RIMS2: variants seen among roughly 807,000 people sequenced by gnomAD.
RIMS2 encodes the protein regulating synaptic membrane exocytosis protein 2.
In RIMS2, 59 loss-of-function variants were observed where a neutral mutation model predicts 174.4. The ratio of observed to expected loss-of-function variants is 0.34; its 90% CI spans 0.27 to 0.42. The LOEUF is 0.42. Ranked by LOEUF, RIMS2 falls within the 10% of genes least tolerant of loss-of-function variation. RIMS2 has a pLI of 1.00. For missense variants in RIMS2, 1,620 were observed against 1,666.3 expected, an observed-to-expected ratio of 0.97 and a Z score of 0.48; for synonymous variants, 606 against 572.5, an observed-to-expected ratio of 1.06 and a Z score of -0.84.
chr8:103,952,455 C>A (rs960612117), intron 14 of RIMS2, among the ~76,000 whole-genome samples: 3 of 152,160 alleles, frequency 2.0e-5, no homozygotes, highest in Admixed American at 6.5e-5. Flanking sequence ...CTGCTGGTGA[C>A]ACCCAGGCAA....
rs71575988 is a variant in RIMS2 at position 103,967,170 on chromosome 8, G to GTTTTTTTTTTTTTTTTTTTTTTTTTT, written c.2770+6042_2770+6067dup. Among the ~76,000 whole-genome samples, 6 of 24,952 alleles carry GTTTTTTTTTTTTTTTTTTTTTTTTTT rather than the reference G, an allele frequency of 2.4e-4. 2 individuals are homozygous for GTTTTTTTTTTTTTTTTTTTTTTTTTT. Among genetic ancestry groups the GTTTTTTTTTTTTTTTTTTTTTTTTTT allele is most frequent in the African/African-American group, 8.5e-4 (4 of 4,732 alleles). 16.4% of individuals were successfully genotyped at this position (24,952 alleles called of 152,430 possible). On this transcript the variant is annotated intron_variant, in intron 15 of 23. Transcript: ENST00000504942. ...TTTTCTGCCTGCTTGATCTGTTCTTGTTTTTTTTTTTTTTTTTTTTTTTTT... is the reference window on the plus strand; with the variant it reads ...TTTTCTGCCTGCTTGATCTGTTCTTGTTTTTTTTTTTTTTTTTTTTTTTTTTTTTTTTTTTTTTTTTTTTTTTTTTT...
intron 19 of RIMS2, among the ~76,000 whole-genome samples, chr8:104,025,026 A>C (rs371968271): frequency 1.9e-4 from 29 of 152,196 alleles, no homozygotes; most frequent in African/African-American, 6.8e-4. Flanking sequence ...TGGGTGGAGA[A>C]AATCAAGTGT....
chr8:103,648,582 G>A (rs922776985), intron 1 of RIMS2, among the ~76,000 whole-genome samples: 2 of 151,816 alleles, frequency 1.3e-5, no homozygotes, highest in Non-Finnish European at 1.5e-5. Flanking sequence ...ATTTTAAGTC[G>A]TTTTGTCTCT....
chr8:103,833,306 G>A (rs1018632617), intron 3 of RIMS2, among the ~76,000 whole-genome samples: 1 of 151,912 alleles, frequency 6.6e-6, no homozygotes, highest in African/African-American at 2.4e-5. Context: ...TTTATCTTCT[G>A]TGTATAATAG....
chr8:103,952,231 G>A (rs1026585828), intron 14 of RIMS2, among the ~76,000 whole-genome samples: 3 of 152,224 alleles, frequency 2.0e-5, no homozygotes, highest in Admixed American at 2.0e-4. Context: ...GAGAGGAGCA[G>A]ATCTCCCAGC....
intron 19 of RIMS2, among the ~76,000 whole-genome samples, chr8:104,200,085 C>T (rs148066403): frequency 2.7e-3 from 416 of 152,220 alleles, no homozygotes; most frequent in African/African-American, 9.3e-3. Flanking sequence ...TAGGAATGGT[C>T]AGGGCAGGGC....
intron 17 of RIMS2, among the ~76,000 whole-genome samples, chr8:104,007,068 A>G (rs886432662): frequency 8.5e-5 from 13 of 152,296 alleles, no homozygotes; most frequent in African/African-American, 2.9e-4. Context: ...GAATTCATTC[A>G]AGCTTCTATA....
intron 3 of RIMS2, among the ~76,000 whole-genome samples, chr8:103,816,790 ACTCTTTCAAAT>A (rs1281152981): frequency 6.6e-6 from 1 of 151,884 alleles, no homozygotes; most frequent in African/African-American, 2.4e-5. Context: ...TGTATCGTTG[ACTCTTTCAAAT>A]GAGTCATTTT....
At chr8:103,516,667 A>G (rs917143653) in intron 1 of RIMS2, among the ~76,000 whole-genome samples, 2 of 152,186 alleles carry the variant, frequency 1.3e-5, no homozygotes, top group Non-Finnish European at 2.9e-5. Flanking sequence ...TAGTATTCCT[A>G]CATACTTTAT....
chr8:103,865,459 A>G (rs528218310), intron 3 of RIMS2, among the ~76,000 whole-genome samples: 1 of 151,044 alleles, frequency 6.6e-6, no homozygotes, highest in South Asian at 2.1e-4. Flanking sequence ...TAATTTCTGT[A>G]TTTTTAGTAG....
intron 1 of RIMS2, among the ~76,000 whole-genome samples, chr8:103,632,076 A>G (rs1349595539): frequency 6.6e-6 from 1 of 152,140 alleles, no homozygotes; most frequent in South Asian, 2.1e-4. Context: ...GCAAATGGAG[A>G]TAGTTTGACC....
intron 3 of RIMS2, among the ~76,000 whole-genome samples, chr8:103,833,788 T>A (rs1252448435): frequency 6.6e-6 from 1 of 152,164 alleles, no homozygotes. Flanking sequence ...ATAGTTGTTA[T>A]AGTGGCTTTA....
intron 19 of RIMS2, among the ~76,000 whole-genome samples, chr8:104,128,435 G>T (rs771102200): frequency 1.3e-5 from 2 of 152,160 alleles, no homozygotes; most frequent in Non-Finnish European, 2.9e-5. Context: ...AGTGGTTCAC[G>T]CCTGTAATCC....
chr8:103,918,418 C>CTTT, intron 8 of RIMS2, 23 bp from the exon 12 acceptor site: 23 of 1,138,606 alleles, frequency 2.0e-5, no homozygotes, highest in South Asian at 3.3e-5. Flanking sequence ...TTCTGTCTTT[C>CTTT]TTTTTTTTTT....
intron 1 of RIMS2, among the ~76,000 whole-genome samples, chr8:103,620,588 T>G (rs1360440803): frequency 6.6e-6 from 1 of 152,156 alleles, no homozygotes; most frequent in Admixed American, 6.5e-5. Context: ...TAATTTTGTG[T>G]AAGATAGCTG....
chr8:103,845,844 T>C (rs4734734), intron 3 of RIMS2, among the ~76,000 whole-genome samples: 8,218 of 152,160 alleles, frequency 0.054, 316 homozygotes, highest in Non-Finnish European at 0.078. Flanking sequence ...TTTTTATTTA[T>C]TCTTTGAACT....
intron 1 of RIMS2, among the ~76,000 whole-genome samples, chr8:103,581,633 A>G (rs1233427214): frequency 6.6e-6 from 1 of 152,240 alleles, no homozygotes; most frequent in Non-Finnish European, 1.5e-5. Flanking sequence ...AGAGCAATTA[A>G]GCAAGAGAAG....
chr8:103,879,828 T>G (rs1565079534), intron 3 of RIMS2, among the ~76,000 whole-genome samples: 1 of 151,780 alleles, frequency 6.6e-6, no homozygotes, highest in Middle Eastern at 3.4e-3. Flanking sequence ...ACTTTCAGAG[T>G]AGTAATATTA....
chr8:104,066,421 A>G (rs1453883327), intron 19 of RIMS2, among the ~76,000 whole-genome samples: 1 of 151,980 alleles, frequency 6.6e-6, no homozygotes, highest in Non-Finnish European at 1.5e-5. Flanking sequence ...TAAACTTGTC[A>G]ATTGGTGCTA....
Sources: gnomAD v4.1 joint callset for allele counts (sites outside exome capture counted in the v4.1 genomes callset) on GRCh38, gnomAD v4.1.1 for gene constraint, MANE v1.5 for transcripts, NCBI Gene and HGNC (gene_info 2026-07-23, HGNC 2026-07-21) for gene names.